The following DARS1 variants were observed in gnomAD, a reference collection of about 807,000 sequenced individuals.
DARS1 encodes the protein aspartyl-tRNA synthetase 1.
DARS1 carries 51 observed loss-of-function variants against 68.8 expected under a neutral mutation model. The ratio of observed to expected loss-of-function variants is 0.74; its 90% CI spans 0.59 to 0.94. The LOEUF (loss-of-function observed/expected upper bound fraction) is 0.94. Among genes scored for constraint, DARS1 ranks in the 40% least tolerant of loss-of-function variants. The probability of loss-of-function intolerance (pLI) is 0.00; values close to 1 mark genes in which losing one functional copy is unlikely to be tolerated. For missense variants in DARS1, 607 were observed against 597.3 expected (o/e 1.02, Z -0.17); for synonymous variants, 203 against 190.4 (o/e 1.07, Z -0.55).
At chr2:135,920,375 T>G (rs1367237500) in intron 10 of DARS1, 78 bp downstream of exon 10, 13 of 1,498,834 alleles carry the variant, frequency 8.7e-6, no homozygotes, top group Non-Finnish European at 1.2e-5. Context: ...GTTTGTATGT[T>G]TAAATTGAAG....
At chr2:135,937,152 G>C (rs1046798633) in intron 5 of DARS1, among the ~76,000 whole-genome samples, 5 of 152,006 alleles carry the variant, frequency 3.3e-5, no homozygotes, top group Admixed American at 6.6e-5. Flanking sequence ...GCAGTGGTGC[G>C]ATCTTGGCTC....
At chr2:135,931,596 C>T (rs1057061999) in intron 7 of DARS1, among the ~76,000 whole-genome samples, 2 of 152,166 alleles carry the variant, frequency 1.3e-5, no homozygotes, top group Admixed American at 1.3e-4. Flanking sequence ...CTAATGTACA[C>T]AACATCTCCC....
chr2:135,911,451 T>C lies in DARS1; in HGVS notation c.1273A>G (p.Ile425Val). 1.8e-6 allele frequency: 2 copies of C among 1,088,658 alleles called. No individual in the cohort carries two copies. The highest frequency in any genetic ancestry group is 2.9e-6 in the Non-Finnish European group (2 of 699,282). 67.4% of individuals were successfully genotyped at this position (1,088,658 alleles called of 1,614,324 possible). ...TGTATTCTTTGAGCTCCTGACAATA[T>C]TTCTTCTCCTCTCATGAACATATCG... ...SYDMFMRGEE[I>V]LSGAQRIHDP... is the part of the protein sequence containing the mutation. The change falls in exon 14 of 16, where the codon ATA becomes GTA. Residue 425 changes from isoleucine to valine, a missense_variant. Ile to Val is a conservative substitution (Grantham distance 29). Coordinates refer to ENST00000264161, the MANE Select transcript of DARS1 (RefSeq NM_001349.4).
chr2:135,985,119 G>A, intron 1 of DARS1: 7 of 499,884 alleles, frequency 1.4e-5, no homozygotes, highest in Non-Finnish European at 2.5e-5. Flanking sequence ...CAAGTGTGAC[G>A]CCGCGCTCCT....
intron 3 of DARS1, among the ~76,000 whole-genome samples, chr2:135,975,536 G>A (rs1320774698): frequency 6.6e-6 from 1 of 152,026 alleles, no homozygotes; most frequent in Non-Finnish European, 1.5e-5. Context: ...GCTGAAGCCT[G>A]TAATCCCAGC....
intron 4 of DARS1, among the ~76,000 whole-genome samples, chr2:135,944,379 G>C (rs1681671269): frequency 6.6e-6 from 1 of 152,038 alleles, no homozygotes; most frequent in South Asian, 2.1e-4. Context: ...TGAGGATTTG[G>C]GTCTTTAGTA....
At chr2:135,975,585 G>A (rs1682479082) in intron 3 of DARS1, among the ~76,000 whole-genome samples, 1 of 151,916 alleles carries the variant, frequency 6.6e-6, no homozygotes, top group African/African-American at 2.4e-5. Context: ...CCTGAGGTCA[G>A]GAGTTTGAGA....
At chr2:135,916,467 T>G in intron 10 of DARS1, 95 bp from the exon 11 acceptor site, 1 of 680,804 alleles carries the variant, frequency 1.5e-6, no homozygotes, top group Non-Finnish European at 2.6e-6. Context: ...AATCTTTGAA[T>G]CAGTATATAC....
chr2:135,957,251 G>A (rs1007123401), intron 4 of DARS1, among the ~76,000 whole-genome samples: 28 of 149,762 alleles, frequency 1.9e-4, no homozygotes, highest in African/African-American at 6.2e-4. Flanking sequence ...TTTTTGAGAC[G>A]GAGTCTCGCT....
At chr2:135,936,520 C>T (rs1200445964) in intron 5 of DARS1, among the ~76,000 whole-genome samples, 1 of 152,108 alleles carries the variant, frequency 6.6e-6, no homozygotes, top group African/African-American at 2.4e-5. Context: ...CCTGGCCTCC[C>T]AAAGCACTGG....
chr2:135,912,917 A>G (rs560305149), intron 12 of DARS1, among the ~76,000 whole-genome samples: 2 of 151,936 alleles, frequency 1.3e-5, no homozygotes, highest in South Asian at 2.1e-4. Context: ...TAGAGATGGA[A>G]TCTCGCTATG....
At chr2:135,914,558 TA>T (rs1558777006) in intron 11 of DARS1, 47 bp from the exon 12 acceptor site, 3 of 978,384 alleles carry the variant, frequency 3.1e-6, no homozygotes, top group Middle Eastern at 2.1e-4. Context: ...AATGGCAACT[TA>T]AAAACATTAA....
chr2:135,960,716 A>G (rs1201761949), intron 4 of DARS1, among the ~76,000 whole-genome samples: 3 of 152,196 alleles, frequency 2.0e-5, no homozygotes, highest in Non-Finnish European at 2.9e-5. Context: ...AAAATTAGCC[A>G]CATCACCACT....
At chr2:135,976,077 GAATA>G (rs1682491340) in intron 3 of DARS1, among the ~76,000 whole-genome samples, 1 of 152,088 alleles carries the variant, frequency 6.6e-6, no homozygotes, top group African/African-American at 2.4e-5. Context: ...TTATAATCTA[GAATA>G]AATTTTTCAA....
rs138615824 is a variant in DARS1 at position 135,971,406 on chromosome 2, A to C, written c.217+7868T>G. 1.8e-4 allele frequency among the ~76,000 whole-genome samples: 27 copies of C among 152,142 alleles called. 3 individuals carry two copies. The highest frequency in any genetic ancestry group is 5.5e-4 in the African/African-American group (23 of 41,528). ...AAGTTCAAATCCCTTCATGATAAAA[A>C]CCCCCCAAAAACTGGGCATAGAAGG... On this transcript the variant is annotated intron_variant, in intron 3 of 15. Coordinates refer to ENST00000264161, the MANE Select transcript of DARS1 (RefSeq NM_001349.4).
intron 7 of DARS1, among the ~76,000 whole-genome samples, chr2:135,929,067 C>T (rs564517985): frequency 3.3e-5 from 5 of 152,240 alleles, no homozygotes; most frequent in African/African-American, 4.8e-5. Flanking sequence ...TTCATTCTAA[C>T]GTATGACAAA....
intron 3 of DARS1, among the ~76,000 whole-genome samples, chr2:135,967,102 C>T (rs1430649465): frequency 6.6e-6 from 1 of 152,154 alleles, no homozygotes; most frequent in African/African-American, 2.4e-5. Flanking sequence ...AGATGTGAGG[C>T]AATCCTATGT....
At chr2:135,985,632 G>T (rs1682773019), upstream of DARS1, 5 of 1,449,500 alleles carry the variant, frequency 3.4e-6, no homozygotes, top group Non-Finnish European at 2.8e-6. Context: ...AAGATCGCGA[G>T]AGCTGCGGCT....
rs78537103 is a variant in DARS1 at position 135,913,353 on chromosome 2, T to C, written c.1150-787A>G. On this transcript the variant is annotated intron_variant, in intron 12 of 15. Transcript: ENST00000264161. ...ATATATACATGAGATTTTGGTAGTT[T>C]TCTTCAAATGAATGCTACAACTGAA... 7.6e-3 allele frequency among the ~76,000 whole-genome samples: 1,164 copies of C among 152,328 alleles called. 98 individuals are homozygous for C. The East Asian group carries it at 0.19, about 25-fold the overall frequency.
Sources: gnomAD v4.1 joint callset for allele counts (sites outside exome capture counted in the v4.1 genomes callset) on GRCh38, gnomAD v4.1.1 for gene constraint, MANE v1.5 for transcripts, NCBI Gene and HGNC (gene_info 2026-07-23, HGNC 2026-07-21) for gene names.